PLEKHG1: variants seen among roughly 807,000 people sequenced by gnomAD.
The protein encoded by PLEKHG1 is pleckstrin homology and RhoGEF domain containing G1.
PLEKHG1 carries 44 observed loss-of-function variants against 100.8 expected under a neutral mutation model. The observed-to-expected ratio is 0.44, with a 90% CI of 0.34 to 0.56. PLEKHG1 has a LOEUF of 0.56. PLEKHG1 is among the 20% of genes least tolerant of loss of function. The pLI is 0.01. For missense variants in PLEKHG1, 1,545 were observed against 1,720.9 expected (o/e 0.90, Z 1.81); for synonymous variants, 640 against 662.5 (o/e 0.97, Z 0.52).
Position 150,830,896 on chromosome 6 carries a change from C to T in PLEKHG1, c.1785C>T (p.Ser595=), listed in dbSNP as rs200627865. 13 of 1,614,076 alleles carry T rather than the reference C, an allele frequency of 8.1e-6. No homozygotes were observed. In the East Asian group the frequency reaches 2.7e-4, roughly 33 times the overall value. The change falls in exon 15 of 16, where the codon TCC becomes TCT. Residue 595 remains serine (S), a synonymous_variant. Transcript: ENST00000358517. Reference sequence around the variant, plus strand: ...GCTGGCATATGGGACAGATGGAGTCCACAGAGACCTCCAGCTCTGGTCACA... The same window carrying T: ...GCTGGCATATGGGACAGATGGAGTCTACAGAGACCTCCAGCTCTGGTCACA...
intron 2 of PLEKHG1, among the ~76,000 whole-genome samples, chr6:150,762,747 C>A (rs9478811): frequency 0.25 from 38,666 of 152,034 alleles, 6,956 homozygotes; most frequent in African/African-American, 0.5. Context: ...ACTTCCTCCT[C>A]CCTAGGTGTT....
At chr6:150,673,195 TA>T (rs898462101) in intron 3 of PLEKHG1, among the ~76,000 whole-genome samples, 1 of 152,188 alleles carries the variant, frequency 6.6e-6, no homozygotes. Flanking sequence ...GCATCCTCTC[TA>T]AAAGGGCAAA....
intron 5 of PLEKHG1, among the ~76,000 whole-genome samples, chr6:150,797,039 G>A (rs1786377344): frequency 6.6e-6 from 1 of 152,046 alleles, no homozygotes. Flanking sequence ...CACCCAGGCT[G>A]GAGTGCAGTG....
chr6:150,718,279 A>G (rs1008310511), upstream of PLEKHG1, among the ~76,000 whole-genome samples: 1 of 152,098 alleles, frequency 6.6e-6, no homozygotes, highest in Non-Finnish European at 1.5e-5. Context: ...CCTCCAAGAA[A>G]TGTTAACGGT....
chr6:150,827,061 A>C (rs969108206), intron 14 of PLEKHG1, among the ~76,000 whole-genome samples: 3 of 70,550 alleles, frequency 4.3e-5, no homozygotes, highest in South Asian at 4.3e-4. Flanking sequence ...TTCTTTCTTT[A>C]TTAAATTTTT....
chr6:150,753,842 G>A (rs187472555), intron 2 of PLEKHG1, among the ~76,000 whole-genome samples: 169 of 152,298 alleles, frequency 1.1e-3, no homozygotes, highest in Non-Finnish European at 1.4e-3. Context: ...GTTGGGCTGG[G>A]TCAAGATTCT....
At chr6:150,768,677 C>T in exon 3 of PLEKHG1, 1 of 1,613,060 alleles carries the variant, frequency 6.2e-7, no homozygotes, top group Non-Finnish European at 8.5e-7. Context: ...AAAACTTCCC[C>T]TGGGGACCGA....
At chr6:150,637,258 C>T (rs920504824) in intron 1 of PLEKHG1, among the ~76,000 whole-genome samples, 3 of 152,170 alleles carry the variant, frequency 2.0e-5, no homozygotes, top group African/African-American at 7.2e-5. Context: ...AGAGAAAGAA[C>T]TCCCATCGTG....
exon 6 of PLEKHG1, chr6:150,800,781 G>A (rs145090895): frequency 3.5e-5 from 57 of 1,613,478 alleles, no homozygotes; most frequent in African/African-American, 5.3e-5. Context: ...TTCAGGGAGC[G>A]TCAGGAAACT....
chr6:150,612,058 C>G lies in PLEKHG1; in HGVS notation c.-204+12041C>G, dbSNP rs73780050. On this transcript the variant is annotated intron_variant, in intron 1 of 3. Coordinates refer to the PLEKHG1 transcript ENST00000367326. ...TCCTGGTGTTGTTCCCCCCCCCCCCCCCTTTTCTAGTTCTTAGTTAATAGC... is the reference window on the plus strand; with the variant it reads ...TCCTGGTGTTGTTCCCCCCCCCCCCGCCTTTTCTAGTTCTTAGTTAATAGC... 4.9e-4 allele frequency among the ~76,000 whole-genome samples: 50 copies of G among 101,838 alleles called. 1 individual carries two copies. The highest frequency in any genetic ancestry group is 1.3e-3 in the East Asian group (5 of 3,718). The allele number at this position is 101,838 out of a possible 152,430, so 66.8% of individuals were successfully genotyped here. A position where few individuals can be genotyped will look rare whatever the true frequency, so the allele number is the denominator to read the frequency against.
At chr6:150,700,240 G>C (rs74701919) in intron 3 of PLEKHG1, among the ~76,000 whole-genome samples, 5,113 of 152,266 alleles carry the variant, frequency 0.034, 274 homozygotes, top group African/African-American at 0.12. Flanking sequence ...CCATTGATCT[G>C]GAAGATGCAC....
rs1250827343 is a variant in PLEKHG1 at position 150,600,676 on chromosome 6, T to C, written c.-204+659T>C. 6.6e-6 allele frequency among the ~76,000 whole-genome samples: 1 copy of C among 152,214 alleles called. No individual in the cohort carries two copies. Among genetic ancestry groups the C allele is most frequent in the African/African-American group, 2.4e-5 (1 of 41,466 alleles). On this transcript the variant is annotated intron_variant, in intron 1 of 3. Transcript: ENST00000367326. This position sits in a 1 kb window ranked among gnomAD's most constrained non-coding sequence, Gnocchi z 6.2. ...GGTAACACCTGGGCGGCCGCGACTC[T>C]GCGAGCGTTCTGGCCTCGGCGGGCG... is the stretch of plus-strand genomic sequence containing the variant.
intron 1 of PLEKHG1, among the ~76,000 whole-genome samples, chr6:150,609,360 C>G (rs1446852741): frequency 2.6e-5 from 4 of 152,166 alleles, no homozygotes; most frequent in Non-Finnish European, 5.9e-5. Flanking sequence ...GGAGAAGTAA[C>G]ATTTCAGCCA....
chr6:150,809,551 G>C (rs1414908683), intron 9 of PLEKHG1, 75 bp downstream of exon 10: 32 of 1,516,360 alleles, frequency 2.1e-5, no homozygotes, highest in Admixed American at 2.0e-4. Context: ...GTGGCTTTTT[G>C]AGAGCGTTCT....
At chr6:150,820,466 G>A (rs1583195144) in intron 12 of PLEKHG1, among the ~76,000 whole-genome samples, 1 of 152,168 alleles carries the variant, frequency 6.6e-6, no homozygotes, top group Non-Finnish European at 1.5e-5. Flanking sequence ...ATTTGAAGCA[G>A]TCTTTATTCA....
intron 2 of PLEKHG1, among the ~76,000 whole-genome samples, chr6:150,765,601 G>A (rs6917646): frequency 0.37 from 55,547 of 151,854 alleles, 12,495 homozygotes; most frequent in African/African-American, 0.62. Context: ...GCTCTGAAGG[G>A]CGCTGAATTT....
intron 7 of PLEKHG1, among the ~76,000 whole-genome samples, chr6:150,807,526 G>T (rs189883482): frequency 6.6e-6 from 1 of 152,238 alleles, no homozygotes; most frequent in Non-Finnish European, 1.5e-5. Flanking sequence ...AATAAAATCA[G>T]CTTCCTTCAA....
chr6:150,787,030 CAAA>C (rs555809522), intron 4 of PLEKHG1, among the ~76,000 whole-genome samples: 3 of 58,012 alleles, frequency 5.2e-5, no homozygotes, highest in Non-Finnish European at 8.1e-5. Context: ...GACTCTGTCT[CAAA>C]AAAAAAAAAA....
intron 2 of PLEKHG1, among the ~76,000 whole-genome samples, chr6:150,766,848 C>T (rs1245782659): frequency 6.6e-6 from 1 of 152,158 alleles, no homozygotes; most frequent in Non-Finnish European, 1.5e-5. Context: ...AAGGATTGTT[C>T]ATTCTCTCTT....
Sources: allele counts gnomAD v4.1 joint callset (sites outside exome capture counted in the v4.1 genomes callset), GRCh38; gene constraint gnomAD v4.1.1; non-coding constraint Gnocchi (gnomAD v3.1); transcripts MANE v1.5; gene names NCBI Gene and HGNC (gene_info 2026-07-23, HGNC 2026-07-21).